The following AGBL4 variants were observed in gnomAD, a reference collection of about 807,000 sequenced individuals.
The protein encoded by AGBL4 is AGBL carboxypeptidase 4.
In AGBL4, 58 loss-of-function variants were observed where a neutral mutation model predicts 66.4. The ratio of observed to expected loss-of-function variants is 0.87; its 90% CI spans 0.71 to 1.09. The LOEUF (loss-of-function observed/expected upper bound fraction) is 1.09. Ranked by LOEUF, AGBL4 falls within the 50% of genes least tolerant of loss-of-function variation. The pLI is 0.00. For missense variants in AGBL4, 579 were observed against 631.0 expected (o/e 0.92, Z 0.88); for synonymous variants, 234 against 222.9 (o/e 1.05, Z -0.44).
chr1:48,827,518 C>T (rs1558022441), intron 6 of AGBL4, among the ~76,000 whole-genome samples: 1 of 152,164 alleles, frequency 6.6e-6, no homozygotes, highest in Non-Finnish European at 1.5e-5. Flanking sequence ...GGCCACCATC[C>T]ACACTGCTAT....
At chr1:48,664,126 G>T (rs1471331540) in intron 6 of AGBL4, among the ~76,000 whole-genome samples, 5 of 152,184 alleles carry the variant, frequency 3.3e-5, no homozygotes, top group African/African-American at 1.2e-4. Context: ...AGAGCAGAGA[G>T]GGGTATCCTG....
intron 1 of AGBL4, among the ~76,000 whole-genome samples, chr1:49,904,753 C>A (rs1216846489): frequency 6.6e-6 from 1 of 152,146 alleles, no homozygotes; most frequent in Non-Finnish European, 1.5e-5. Context: ...AAACAATCAG[C>A]CTACTTTGTA....
chr1:49,491,997 T>G (rs1193178138), intron 3 of AGBL4, among the ~76,000 whole-genome samples: 2 of 151,918 alleles, frequency 1.3e-5, no homozygotes, highest in Non-Finnish European at 2.9e-5. Flanking sequence ...AGAATAATTA[T>G]AATAAACTGT....
intron 6 of AGBL4, among the ~76,000 whole-genome samples, chr1:48,788,149 C>T (rs1396629688): frequency 6.6e-6 from 1 of 152,202 alleles, no homozygotes; most frequent in Admixed American, 6.5e-5. Flanking sequence ...CAAAGAGATC[C>T]TTATAAGGTT....
chr1:48,636,286 T>G (rs1397834591), intron 8 of AGBL4, among the ~76,000 whole-genome samples: 1 of 152,346 alleles, frequency 6.6e-6, no homozygotes, highest in Non-Finnish European at 1.5e-5. Context: ...TAGCCTTTGA[T>G]GTAGTTCCTG....
intron 11 of AGBL4, among the ~76,000 whole-genome samples, chr1:48,542,961 C>T (rs1644098545): frequency 6.6e-6 from 1 of 152,172 alleles, no homozygotes; most frequent in South Asian, 2.1e-4. Flanking sequence ...ATTCAATTCT[C>T]ACAATAACCC....
intron 3 of AGBL4, among the ~76,000 whole-genome samples, chr1:49,609,121 G>T (rs1645109805): frequency 6.6e-6 from 1 of 152,072 alleles, no homozygotes; most frequent in Non-Finnish European, 1.5e-5. Context: ...CATCAGAAAA[G>T]GTCCGCATTG....
At chr1:49,503,001 T>C (rs563834901) in intron 3 of AGBL4, among the ~76,000 whole-genome samples, 2 of 152,214 alleles carry the variant, frequency 1.3e-5, no homozygotes, top group Middle Eastern at 3.4e-3. Flanking sequence ...GAAAAATGCT[T>C]CCAGGGCATG....
At chr1:48,944,527 C>A (rs1656291905) in intron 5 of AGBL4, among the ~76,000 whole-genome samples, 1 of 151,938 alleles carries the variant, frequency 6.6e-6, no homozygotes, top group African/African-American at 2.4e-5. Flanking sequence ...AAACTGAGGC[C>A]CAGAAAGGCT....
chr1:49,988,209 G>A (rs550774950), intron 1 of AGBL4, among the ~76,000 whole-genome samples: 8 of 152,130 alleles, frequency 5.3e-5, no homozygotes, highest in South Asian at 2.1e-4. Flanking sequence ...AACCTGAAGC[G>A]AATAAAAATA....
chr1:48,716,120 T>C (rs1647046252), intron 6 of AGBL4, among the ~76,000 whole-genome samples: 1 of 152,228 alleles, frequency 6.6e-6, no homozygotes, highest in Non-Finnish European at 1.5e-5. Context: ...AATTAGAGAC[T>C]ACATATTTAA....
intron 4 of AGBL4, among the ~76,000 whole-genome samples, chr1:49,108,452 T>C (rs973922079): frequency 3.9e-5 from 6 of 152,200 alleles, no homozygotes; most frequent in African/African-American, 1.4e-4. Context: ...GGGGAATCTC[T>C]GTTTAATGAG....
Position 49,851,491 on chromosome 1 carries a change from A to G in AGBL4, c.62T>C (p.Ile21Thr), listed in dbSNP as rs1646304846. The G allele has an allele frequency of 1.3e-6, 2 of 1,549,946 alleles. No homozygotes were observed. The highest frequency in any genetic ancestry group is 2.4e-5 in the South Asian group (2 of 83,826). ...AGNDMGNDDA[I>T]GGNVSKYIVL... is the part of the protein sequence containing the mutation. ...TATATATTTGCTCACATTCCCTCCA[A>G]TGGCATCATCATTTCCCATATCATT... The change falls in exon 2 of 14, where the codon ATT becomes ACT. Residue 21 changes from isoleucine to threonine, a missense_variant. Transcript: ENST00000371839.
intron 3 of AGBL4, among the ~76,000 whole-genome samples, chr1:49,557,081 G>A (rs970615585): frequency 2.0e-5 from 3 of 151,978 alleles, no homozygotes; most frequent in Non-Finnish European, 2.9e-5. Flanking sequence ...GTTCCCACCC[G>A]AGCCTCTCCC....
intron 1 of AGBL4, among the ~76,000 whole-genome samples, chr1:49,937,511 C>G (rs1571910174): frequency 6.6e-6 from 1 of 152,132 alleles, no homozygotes; most frequent in Non-Finnish European, 1.5e-5. Context: ...CTACAGAACT[C>G]TCCACCCCAA....
At chr1:49,275,148 T>C (rs576929672) in intron 3 of AGBL4, among the ~76,000 whole-genome samples, 10 of 152,330 alleles carry the variant, frequency 6.6e-5, no homozygotes, top group African/African-American at 2.4e-4. Flanking sequence ...GAATGATATA[T>C]TTTCAGATAT....
intron 5 of AGBL4, among the ~76,000 whole-genome samples, chr1:48,872,380 T>C (rs1010747254): frequency 2.0e-5 from 3 of 152,184 alleles, no homozygotes; most frequent in Non-Finnish European, 2.9e-5. Flanking sequence ...ATATTTATGG[T>C]CATAGCTAAT....
chr1:48,907,617 C>T (rs1370686896), intron 5 of AGBL4, among the ~76,000 whole-genome samples: 1 of 152,194 alleles, frequency 6.6e-6, no homozygotes, highest in Non-Finnish European at 1.5e-5. Context: ...GGTCCTCACC[C>T]TGAAATGATT....
intron 3 of AGBL4, among the ~76,000 whole-genome samples, chr1:49,574,008 C>A (rs1644386213): frequency 6.6e-6 from 1 of 152,138 alleles, no homozygotes; most frequent in African/African-American, 2.4e-5. Flanking sequence ...CAGTGATGGC[C>A]TCCCCTGAGG....
Sources: allele counts gnomAD v4.1 joint callset (sites outside exome capture counted in the v4.1 genomes callset), GRCh38; gene constraint gnomAD v4.1.1; transcripts MANE v1.5; gene names NCBI Gene and HGNC (gene_info 2026-07-23, HGNC 2026-07-21).